CTNNA3: variants seen among roughly 807,000 people sequenced by gnomAD.
The protein encoded by CTNNA3 is catenin alpha-3.
In CTNNA3, 76 loss-of-function variants were observed where a neutral mutation model predicts 95.7. The observed-to-expected ratio is 0.79, with a 90% CI of 0.66 to 0.96. The LOEUF is 0.96. CTNNA3 is among the 40% of genes least tolerant of loss of function. CTNNA3 has a pLI of 0.00. For synonymous variants in CTNNA3, 431 were observed against 374.4 expected (o/e 1.15, Z -1.74); for missense variants, 1,191 against 1,089.8 (o/e 1.09, Z -1.31).
At chr10:66,984,286 T>G (rs1198914215) in intron 7 of CTNNA3, among the ~76,000 whole-genome samples, 2 of 152,182 alleles carry the variant, frequency 1.3e-5, no homozygotes, top group Non-Finnish European at 2.9e-5. Flanking sequence ...AGATAGTTGA[T>G]AAACTGGCTA....
chr10:66,070,349 T>C (rs548542598), intron 14 of CTNNA3, among the ~76,000 whole-genome samples: 1 of 152,316 alleles, frequency 6.6e-6, no homozygotes, highest in South Asian at 2.1e-4. Flanking sequence ...GCACGTTAAG[T>C]AAATTATAAG....
intron 11 of CTNNA3, among the ~76,000 whole-genome samples, chr10:66,518,715 C>T (rs142287516): frequency 4.9e-4 from 75 of 151,584 alleles, no homozygotes; most frequent in Admixed American, 2.2e-3. Context: ...ATGCATGATA[C>T]ACATTTGAAA....
chr10:67,364,766 G>C (rs1431991854), intron 5 of CTNNA3, among the ~76,000 whole-genome samples: 1 of 152,092 alleles, frequency 6.6e-6, no homozygotes, highest in Non-Finnish European at 1.5e-5. Context: ...TCATGGATAG[G>C]AAGAATCAAA....
rs777698832 is a variant in CTNNA3, at chr10:67,521,951, G to A, written c.470C>T (p.Thr157Ile). 1 of 1,611,190 alleles carries A rather than the reference G, an allele frequency of 6.2e-7. No individual in the cohort carries two copies. The highest frequency in any genetic ancestry group is 1.1e-5 in the South Asian group (1 of 90,716). ...LLQHVSAFQR[T>I]FESLKNVANK... is the part of the protein sequence containing the mutation. ...GGCAACATTTTTGAGAGACTCAAATGTCCTTTGAAACTGAAATTGAAAACA... is the reference window on the plus strand; with the variant it reads ...GGCAACATTTTTGAGAGACTCAAATATCCTTTGAAACTGAAATTGAAAACA... Residue 157 changes from threonine to isoleucine, a missense_variant, in exon 5 of 18, where the codon ACA (threonine) becomes ATA (isoleucine). Physicochemically the swap from Thr to Ile is moderately conservative, Grantham distance 89 (BLOSUM62 -1). Coordinates refer to ENST00000433211, the MANE Select transcript of CTNNA3 (RefSeq NM_013266.4).
At chr10:66,801,963 A>T (rs1396664725) in intron 7 of CTNNA3, among the ~76,000 whole-genome samples, 1 of 151,792 alleles carries the variant, frequency 6.6e-6, no homozygotes, top group African/African-American at 2.4e-5. Flanking sequence ...TGGTTAATAA[A>T]TATTTACAAA....
intron 10 of CTNNA3, among the ~76,000 whole-genome samples, chr10:66,615,857 G>C (rs1012876296): frequency 6.6e-6 from 1 of 151,932 alleles, no homozygotes; most frequent in Non-Finnish European, 1.5e-5. Flanking sequence ...TCGTGCAATA[G>C]GTTGTATTTA....
At chr10:67,044,307 G>A (rs1381472132) in intron 7 of CTNNA3, among the ~76,000 whole-genome samples, 1 of 152,090 alleles carries the variant, frequency 6.6e-6, no homozygotes, top group Non-Finnish European at 1.5e-5. Context: ...AATTTAACGA[G>A]GGGGAAGGGG....
At chr10:67,712,621 A>T (rs1841118325) in intron 1 of CTNNA3, among the ~76,000 whole-genome samples, 1 of 152,248 alleles carries the variant, frequency 6.6e-6, no homozygotes, top group Non-Finnish European at 1.5e-5. Context: ...CATGGTGTTG[A>T]GCCTGCAAGT....
intron 5 of CTNNA3, among the ~76,000 whole-genome samples, chr10:67,392,348 A>G (rs1281345626): frequency 3.3e-5 from 5 of 152,222 alleles, no homozygotes; most frequent in African/African-American, 1.2e-4. Flanking sequence ...AATCAAAACC[A>G]CAATGAGATA....
intron 7 of CTNNA3, chr10:67,013,068 T>C (rs1219372745): frequency 6.6e-6 from 1 of 152,176 alleles, no homozygotes; most frequent in Non-Finnish European, 1.5e-5. Flanking sequence ...ATTATTATAT[T>C]ACAGCAATCC....
rs113828392 is a variant in CTNNA3 at position 66,029,492 on chromosome 10, T to C, written c.2159+39816A>G. Among the ~76,000 whole-genome samples, 565 of 152,328 alleles carry C rather than the reference T, an allele frequency of 3.7e-3. 7 individuals carry two copies. Among genetic ancestry groups the C allele is most frequent in the Non-Finnish European group, 5.6e-3 (383 of 68,032 alleles). On this transcript the variant is annotated intron_variant, in intron 15 of 17. Transcript: ENST00000433211. ...TCTATTTCTCTAGATATCTGTGTACTGAACTTCCTTATGTACCTCAAATAT... is the reference window on the plus strand; with the variant it reads ...TCTATTTCTCTAGATATCTGTGTACCGAACTTCCTTATGTACCTCAAATAT...
chr10:65,950,203 T>C (rs2077586117), intron 17 of CTNNA3, among the ~76,000 whole-genome samples: 1 of 152,164 alleles, frequency 6.6e-6, no homozygotes, highest in African/African-American at 2.4e-5. Flanking sequence ...TTTTATCCTG[T>C]GACTTTAGTA....
intron 8 of CTNNA3, among the ~76,000 whole-genome samples, chr10:66,771,252 CA>C (rs1321517653): frequency 6.6e-6 from 1 of 152,122 alleles, no homozygotes; most frequent in East Asian, 1.9e-4. Context: ...TTAATATACA[CA>C]AATACAAATT....
intron 7 of CTNNA3, among the ~76,000 whole-genome samples, chr10:66,985,286 G>T (rs1245853187): frequency 1.3e-5 from 2 of 152,136 alleles, no homozygotes; most frequent in Non-Finnish European, 2.9e-5. Flanking sequence ...CAATATGATA[G>T]CACATATAAT....
chr10:67,720,898 G>T (rs1841176371), intron 1 of CTNNA3, among the ~76,000 whole-genome samples: 2 of 152,118 alleles, frequency 1.3e-5, no homozygotes, highest in African/African-American at 4.8e-5. Context: ...AGGTTGCAGT[G>T]AGCCGAGATC....
chr10:67,629,555 G>A (rs1298334836), intron 2 of CTNNA3, among the ~76,000 whole-genome samples: 1 of 152,190 alleles, frequency 6.6e-6, no homozygotes, highest in Admixed American at 6.6e-5. Context: ...CCCCACTCTA[G>A]CACAAGCAAG....
intron 5 of CTNNA3, among the ~76,000 whole-genome samples, chr10:67,467,324 T>G: frequency 6.6e-6 from 1 of 152,162 alleles, no homozygotes; most frequent in East Asian, 1.9e-4. Flanking sequence ...ATCTTCCAGC[T>G]TTTTTCATGC....
intron 7 of CTNNA3, chr10:67,098,538 C>T (rs1384850607): frequency 6.6e-6 from 1 of 152,122 alleles, no homozygotes; most frequent in African/African-American, 2.4e-5. Flanking sequence ...AGTTTCTAAG[C>T]AGTGAAATGT....
chr10:67,527,610 G>C (rs1840190137), intron 4 of CTNNA3, among the ~76,000 whole-genome samples: 1 of 152,202 alleles, frequency 6.6e-6, no homozygotes, highest in South Asian at 2.1e-4. Context: ...AGCTTTCAAT[G>C]AAATGTTTTA....
Sources: gnomAD v4.1 joint callset for allele counts (sites outside exome capture counted in the v4.1 genomes callset) on GRCh38, gnomAD v4.1.1 for gene constraint, MANE v1.5 for transcripts, NCBI Gene and HGNC (gene_info 2026-07-23, HGNC 2026-07-21) for gene names.